Variants in GRAMD1A observed in about 807,000 individuals in gnomAD.
GRAMD1A encodes the protein GRAM domain containing 1A.
A neutral mutation model predicts 92.0 loss-of-function variants in GRAMD1A; 50 were observed. That is an observed-to-expected ratio of 0.54 (90% CI 0.43 to 0.69). GRAMD1A has a LOEUF of 0.69. GRAMD1A is among the 30% of genes least tolerant of loss of function. The probability of loss-of-function intolerance (pLI) is 0.00; values close to 1 mark genes in which losing one functional copy is unlikely to be tolerated. For synonymous variants in GRAMD1A, 405 were observed against 403.6 expected (o/e 1.00, Z -0.04); for missense variants, 819 against 978.9 (o/e 0.84, Z 2.18).
In GRAMD1A at chr19:35,000,883, C is replaced by T. The variant is rs560502878; in HGVS notation, c.8+397C>T. ...CCTGGGATGGAGACAGGATCGGGACCAGCCCAGGCCCACAGGCCGCGGAGC... is the reference window on the plus strand; with the variant it reads ...CCTGGGATGGAGACAGGATCGGGACTAGCCCAGGCCCACAGGCCGCGGAGC... On this transcript the variant is annotated intron_variant, in intron 1 of 19. Transcript: ENST00000317991. This position sits in a 1 kb window ranked among gnomAD's most constrained non-coding sequence, Gnocchi z 4.9. Among the ~76,000 whole-genome samples the T allele has an allele frequency of 6.6e-6, 1 of 152,114 alleles. No individual in the cohort carries two copies. The highest frequency in any genetic ancestry group is 1.5e-5 in the Non-Finnish European group (1 of 67,966).
At chr19:34,996,443 AAGGTAAAAACTG>A (rs2014040646), upstream of GRAMD1A, among the ~76,000 whole-genome samples, 1 of 152,160 alleles carries the variant, frequency 6.6e-6, no homozygotes, top group Non-Finnish European at 1.5e-5. Flanking sequence ...GCACAAACAA[AAGGTAAAAACTG>A]AGGGTGTGCG....
chr19:35,008,334 A>G (rs2014974023), intron 1 of GRAMD1A, among the ~76,000 whole-genome samples: 3 of 151,352 alleles, frequency 2.0e-5, no homozygotes, highest in Admixed American at 2.0e-4. Flanking sequence ...CCGTCTTAAA[A>G]TAAAATAAAA....
rs140705614 is a variant in GRAMD1A, at chr19:35,004,974, G to A, written c.9-4145G>A. Among the ~76,000 whole-genome samples, 776 of 152,176 alleles carry A rather than the reference G, an allele frequency of 5.1e-3. 6 individuals are homozygous for A. The highest frequency in any genetic ancestry group is 0.017 in the African/African-American group (719 of 41,522). ...GCTCAGGGTCACACAGAAAGGACGC[G>A]GTGGCACTTGACTGGAAGGTCCTTG... On this transcript the variant is annotated intron_variant, in intron 1 of 19. Transcript: ENST00000317991.
rs200752248 is a variant in GRAMD1A at position 35,023,301 on chromosome 19, C to T, written c.1919C>T (p.Ala640Val). The change falls in exon 18 of 20, where the codon GCC becomes GTC. Residue 640 changes from alanine to valine, a missense_variant. Physicochemically the swap from Ala to Val is moderately conservative, Grantham distance 64 (BLOSUM62 0). Around this residue, in one of 3 missense-constraint regions of GRAMD1A, gnomAD observed 577 missense variants for 674.6 expected, o/e 0.86. Transcript: ENST00000317991. ...CGCCTCTGGTCCCTGGAAAGGACAG[C>T]CCACACCTTTGAGTCCTGGCACAGC... The part of the protein sequence containing the change: ...FYRLWSLERT[A>V]HTFESWHSLA... 4 of 1,614,150 alleles carry T rather than the reference C, an allele frequency of 2.5e-6. No homozygotes were observed. The East Asian group carries it at 8.9e-5, about 36-fold the overall frequency.
At chr19:35,019,597 T>G in intron 13 of GRAMD1A, 64 bp downstream of exon 13, 1 of 1,508,626 alleles carries the variant, frequency 6.6e-7, no homozygotes, top group Non-Finnish European at 9.2e-7. Flanking sequence ...TGTCCACTCC[T>G]CAAGTCAGCA....
chr19:35,024,712 G>C (rs1472725754), intron 19 of GRAMD1A, among the ~76,000 whole-genome samples: 1 of 152,172 alleles, frequency 6.6e-6, no homozygotes, highest in Non-Finnish European at 1.5e-5. Flanking sequence ...GGGCGGGGCA[G>C]GATGGGGTGG....
chr19:35,005,548 C>T (rs2014748308), intron 1 of GRAMD1A, among the ~76,000 whole-genome samples: 1 of 152,112 alleles, frequency 6.6e-6, no homozygotes, highest in South Asian at 2.1e-4. Context: ...CCTCCCACTA[C>T]AGGTATGGGC....
At chr19:34,997,388 C>CAAAAAAAAA (rs540666102), upstream of GRAMD1A, among the ~76,000 whole-genome samples, 65 of 113,040 alleles carry the variant, frequency 5.8e-4, no homozygotes, top group Non-Finnish European at 8.0e-4. Flanking sequence ...GCCAAAAAAA[C>CAAAAAAAAA]AAAAAAAAAA....
intron 7 of GRAMD1A, among the ~76,000 whole-genome samples, chr19:35,012,174 G>A (rs1221076841): frequency 6.6e-6 from 1 of 152,210 alleles, no homozygotes; most frequent in Non-Finnish European, 1.5e-5. Flanking sequence ...GCTCTTATGA[G>A]CAGAGTAGCC....
upstream of GRAMD1A, among the ~76,000 whole-genome samples, chr19:34,997,080 T>A (rs1314277081): frequency 6.6e-6 from 1 of 151,952 alleles, no homozygotes; most frequent in Non-Finnish European, 1.5e-5. Flanking sequence ...CCTGTCTATT[T>A]TTTTTGTATT....
intron 1 of GRAMD1A, among the ~76,000 whole-genome samples, chr19:35,003,509 G>GCAAAAAC (rs1191207540): frequency 1.3e-5 from 2 of 152,182 alleles, no homozygotes; most frequent in African/African-American, 4.8e-5. Flanking sequence ...CAGCCCTGGA[G>GCAAAAAC]CAAAAACTGG....
At chr19:35,022,675 C>T (rs542806067) in intron 16 of GRAMD1A, among the ~76,000 whole-genome samples, 11 of 152,294 alleles carry the variant, frequency 7.2e-5, no homozygotes, top group African/African-American at 2.4e-4. Flanking sequence ...GCGGGCAGGA[C>T]GCTGGGAGGA....
At position 35,016,042 on chromosome 19, in the gene GRAMD1A, G is replaced by C. The variant is rs1030023649; in HGVS notation, c.1213+75G>C. 4.7e-6 allele frequency: 7 copies of C among 1,504,220 alleles called. No individual in the cohort carries two copies. The African/African-American group carries it at 8.3e-5, about 18-fold the overall frequency. 93.2% of individuals were successfully genotyped at this position (1,504,220 alleles called of 1,614,324 possible). On this transcript the variant is annotated intron_variant, in intron 11 of 19. Transcript: ENST00000317991. ...GGGTGAGGAAGGGTAGCCCAGGACA[G>C]GGGAAGGCACTGCTAGCCAGTGGGG...
Position 35,023,521 on chromosome 19 carries a change from C to G in GRAMD1A, c.2056C>G (p.Arg686Gly), listed in dbSNP as rs756726505. Residue 686 changes from arginine (R) to glycine (G), a missense_variant, in exon 19 of 20, where the codon CGG becomes GGG. Arg to Gly is a moderately radical substitution (Grantham distance 125). Transcript: ENST00000317991. Reference protein sequence around the residue: ...VEVHKWRQILRASVELLDEMK... With the variant: ...VEVHKWRQILGASVELLDEMK... ...GGTGCACAAGTGGAGGCAGATCCTG[C>G]GGGCCTCCGTGGAGCTCCTGGATGA... 1 of 1,580,078 alleles carries G rather than the reference C, an allele frequency of 6.3e-7. No homozygotes were observed. The highest frequency in any genetic ancestry group is 2.2e-5 in the East Asian group (1 of 44,506).
In GRAMD1A at chr19:35,009,323, C is replaced by T. The variant is rs201650116; in HGVS notation, c.213C>T (p.Asn71=). The change falls in exon 2 of 20, where the codon AAC becomes AAT. Residue 71 remains asparagine (N), a synonymous_variant. Transcript: ENST00000317991. ...TAGGCAGCCGGAACTTCATCCGCAA[C>T]AGCAAGGTTGGTGCAAGCCCAGGTG... ...QSLGSRNFIR[N]SKKMQSWYSM... The T allele has an allele frequency of 1.4e-3, 2,251 of 1,613,930 alleles. 2 individuals are homozygous for T. Among genetic ancestry groups the T allele is most frequent in the Non-Finnish European group, 1.8e-3 (2,069 of 1,179,820 alleles).
At chr19:35,003,061 GGTGTGTGTGTGT>G (rs58809497) in intron 1 of GRAMD1A, among the ~76,000 whole-genome samples, 5 of 142,324 alleles carry the variant, frequency 3.5e-5, no homozygotes, top group South Asian at 2.3e-4. Flanking sequence ...CAATGCTGCA[GGTGTGTGTGTGT>G]GTGTGTGTGT....
chr19:34,996,626 G>A (rs1306690291), upstream of GRAMD1A, among the ~76,000 whole-genome samples: 1 of 152,154 alleles, frequency 6.6e-6, no homozygotes, highest in Non-Finnish European at 1.5e-5. Flanking sequence ...GGCCAACATG[G>A]TAAAACCCCA....
chr19:35,021,220 G>A lies in GRAMD1A; in HGVS notation c.1476-282G>A, dbSNP rs1317375333. Among the ~76,000 whole-genome samples, 2 of 152,182 alleles carry A rather than the reference G, an allele frequency of 1.3e-5. No individual in the cohort carries two copies. The highest frequency in any genetic ancestry group is 2.4e-5 in the African/African-American group (1 of 41,436). Reference sequence around the variant, plus strand: ...TTCAGGGGCATGGTCTGGTTAAGACGTCAGTCTGTGAGTAGACAGGGCTCA... The same window carrying A: ...TTCAGGGGCATGGTCTGGTTAAGACATCAGTCTGTGAGTAGACAGGGCTCA... On this transcript the variant is annotated intron_variant, in intron 13 of 19. Coordinates refer to ENST00000317991, the MANE Select transcript of GRAMD1A (RefSeq NM_020895.5). The surrounding 1 kb of genome is among the most constrained non-coding windows in gnomAD (Gnocchi z 5.3).
At position 35,026,121 on chromosome 19, in the gene GRAMD1A, C is replaced by G; in HGVS notation, c.2155C>G (p.Pro719Ala). 1 of 1,582,522 alleles carries G rather than the reference C, an allele frequency of 6.3e-7. No homozygotes were observed. The highest frequency in any genetic ancestry group is 8.7e-7 in the Non-Finnish European group (1 of 1,151,196). ...CCCTCCCTTTGACACCCAGCCCCGG[C>G]CCGATGACAGCTTTTCCTGAGGACC... ...SDPPFDTQPRPDDSFS is the reference protein window; with the variant it reads ...SDPPFDTQPRADDSFS Residue 719 changes from proline to alanine, a missense_variant, in exon 20 of 20, where the codon CCC becomes GCC. This residue lies in a region of GRAMD1A where 577 missense variants were observed against 674.6 expected (regional missense o/e 0.86). Transcript: ENST00000317991.
Sources: allele counts gnomAD v4.1 joint callset (sites outside exome capture counted in the v4.1 genomes callset), GRCh38; gene constraint gnomAD v4.1.1; regional missense constraint gnomAD v4.1.1; non-coding constraint Gnocchi (gnomAD v3.1); transcripts MANE v1.5; gene names NCBI Gene and HGNC (gene_info 2026-07-23, HGNC 2026-07-21).